LARP4B: variants seen among roughly 807,000 people sequenced by gnomAD.
LARP4B encodes la-related protein 4B.
In LARP4B, 12 loss-of-function variants were observed where a neutral mutation model predicts 89.8. That is an observed-to-expected ratio of 0.13 (90% CI 0.09 to 0.22). The LOEUF (loss-of-function observed/expected upper bound fraction) is 0.22. LARP4B is among the 10% of genes least tolerant of loss of function. The pLI is 1.00. For missense variants in LARP4B, 757 were observed against 947.7 expected, an observed-to-expected ratio of 0.80 and a Z score of 2.64; for synonymous variants, 367 against 363.3, an observed-to-expected ratio of 1.01 and a Z score of -0.12.
chr10:961,429 G>A, the LARP4B span, among the ~76,000 whole-genome samples: 2 of 150,104 alleles, frequency 1.3e-5, 1 homozygote, highest in South Asian at 4.2e-4. Flanking sequence ...GCCTCGGGAA[G>A]GTCCACTCAT....
chr10:869,633 T>C (rs1835092851), intron 3 of LARP4B, among the ~76,000 whole-genome samples: 1 of 152,148 alleles, frequency 6.6e-6, no homozygotes, highest in Non-Finnish European at 1.5e-5. Flanking sequence ...ATGCCTGCAA[T>C]GCCAGCACTT....
chr10:939,268 G>A, the LARP4B span, among the ~76,000 whole-genome samples: 1 of 152,232 alleles, frequency 6.6e-6, no homozygotes, highest in Non-Finnish European at 1.5e-5. Context: ...GGGAGGGGAT[G>A]GCACAGGAGG....
chr10:815,063 C>T lies in LARP4B; in HGVS notation c.1703G>A (p.Ser568Asn). Reference sequence around the variant, plus strand: ...AAGGGTGTTCACGCTTGCGTCTGCACTGAGGGTCTGAAACAGGGTCAAGAG... The same window carrying T: ...AAGGGTGTTCACGCTTGCGTCTGCATTGAGGGTCTGAAACAGGGTCAAGAG... ...IIGPSKERTLSADASVNTLPV... is the reference protein window; with the variant it reads ...IIGPSKERTLNADASVNTLPV... The change falls in exon 16 of 18, where the codon AGT becomes AAT. Residue 568 changes from serine (S) to asparagine (N), a missense_variant. Transcript: ENST00000316157. 1 of 1,575,362 alleles carries T rather than the reference C, an allele frequency of 6.3e-7. No homozygotes were observed. Among genetic ancestry groups the T allele is most frequent in the Non-Finnish European group, 8.6e-7 (1 of 1,158,840 alleles).
intron 1 of LARP4B, among the ~76,000 whole-genome samples, chr10:892,032 C>A (rs1836040239): frequency 6.6e-6 from 1 of 152,174 alleles, no homozygotes; most frequent in Non-Finnish European, 1.5e-5. Flanking sequence ...CCGGCATGGC[C>A]TAAAAGCAGA....
the LARP4B span, among the ~76,000 whole-genome samples, chr10:957,288 G>A: frequency 6.6e-5 from 10 of 152,010 alleles, no homozygotes; most frequent in Middle Eastern, 0.01. Context: ...TCAGCCTCCC[G>A]AGTAGCTGGG....
intron 1 of LARP4B, among the ~76,000 whole-genome samples, chr10:925,537 TATTTC>T (rs910376736): frequency 5.9e-5 from 9 of 152,334 alleles, no homozygotes; most frequent in African/African-American, 2.2e-4. Flanking sequence ...TATTTTATTT[TATTTC>T]ATTTTTTTTC....
At chr10:943,775 C>G in the LARP4B span, among the ~76,000 whole-genome samples, 1 of 151,062 alleles carries the variant, frequency 6.6e-6, no homozygotes, top group South Asian at 2.1e-4. Flanking sequence ...CAGGAGGGCC[C>G]GGGTCGGGAG....
the LARP4B span, among the ~76,000 whole-genome samples, chr10:968,586 CTGACTCCCACT>C: frequency 6.7e-6 from 1 of 148,230 alleles, no homozygotes; most frequent in South Asian, 2.1e-4. Context: ...AGGACGGAGA[CTGACTCCCACT>C]TGGCTGTTGT....
chr10:836,918 A>G (rs1050127228), intron 7 of LARP4B, among the ~76,000 whole-genome samples: 2 of 152,214 alleles, frequency 1.3e-5, no homozygotes, highest in Admixed American at 1.3e-4. Context: ...CTGCAGTAAT[A>G]GGCCTAATTT....
chr10:845,087 C>T (rs745308495), intron 5 of LARP4B, 32 bp from the exon 6 acceptor site: 2 of 1,548,432 alleles, frequency 1.3e-6, no homozygotes, highest in Non-Finnish European at 8.8e-7. Context: ...CTTAGGAAAA[C>T]CGGCTTAAAA....
the LARP4B span, among the ~76,000 whole-genome samples, chr10:970,127 ATG>A: frequency 6.6e-6 from 1 of 152,238 alleles, no homozygotes; most frequent in African/African-American, 2.4e-5. Context: ...AGGCTTAGAC[ATG>A]AATGGAAATT....
At chr10:916,774 A>G (rs1314579551) in intron 1 of LARP4B, among the ~76,000 whole-genome samples, 2 of 152,192 alleles carry the variant, frequency 1.3e-5, no homozygotes, top group African/African-American at 4.8e-5. Context: ...CTAACTCACT[A>G]CAACCTCAAA....
intron 1 of LARP4B, 49 bp from the exon 2 acceptor site, chr10:885,809 G>A: frequency 1.1e-6 from 1 of 880,772 alleles, no homozygotes; most frequent in Non-Finnish European, 1.8e-6. Context: ...GGCACAGTAT[G>A]ATTATTTAAA....
intron 1 of LARP4B, among the ~76,000 whole-genome samples, chr10:888,792 G>T (rs1407319426): frequency 6.6e-6 from 1 of 152,204 alleles, no homozygotes; most frequent in Non-Finnish European, 1.5e-5. Context: ...AGTGAAAACT[G>T]TAAGAATATT....
the LARP4B span, among the ~76,000 whole-genome samples, chr10:941,307 T>TTTTGTTTGTTTGTTTGTTTG: frequency 2.0e-5 from 3 of 151,616 alleles, no homozygotes; most frequent in Non-Finnish European, 4.4e-5. Flanking sequence ...GCTTACTTTG[T>TTTTGTTTGTTTGTTTGTTTG]TTTGTTTGTT....
chr10:907,179 C>T (rs1317130224), intron 1 of LARP4B, among the ~76,000 whole-genome samples: 1 of 152,220 alleles, frequency 6.6e-6, no homozygotes, highest in Non-Finnish European at 1.5e-5. Flanking sequence ...AGAAATATGT[C>T]TACCCTGTTC....
In LARP4B at chr10:829,805, A is replaced by C. The variant is rs1564389344; in HGVS notation, c.862-71T>G. On this transcript the variant is annotated intron_variant, in intron 9 of 17. Transcript: ENST00000316157. ...AATAAGAGGCACCAATAGTTCACTC[A>C]ATAGCTCAAATAGGGAAATATATAA... The C allele has an allele frequency of 1.9e-5, 18 of 951,770 alleles. No homozygotes were observed. In the South Asian group the frequency reaches 2.4e-4, roughly 13 times the overall value. The allele number at this position is 951,770 out of a possible 1,614,324, so 59.0% of individuals were successfully genotyped here.
chr10:918,851 T>A (rs1588990038), intron 1 of LARP4B, among the ~76,000 whole-genome samples: 1 of 151,838 alleles, frequency 6.6e-6, no homozygotes, highest in African/African-American at 2.4e-5. Flanking sequence ...CCGAGGTGGG[T>A]GGATCACGAG....
the LARP4B span, among the ~76,000 whole-genome samples, chr10:947,798 A>G: frequency 6.6e-6 from 1 of 151,594 alleles, no homozygotes; most frequent in Non-Finnish European, 1.5e-5. Flanking sequence ...ATGTTTTTGT[A>G]TTTTAGTAGA....
Sources: allele counts gnomAD v4.1 joint callset (sites outside exome capture counted in the v4.1 genomes callset), GRCh38; gene constraint gnomAD v4.1.1; transcripts MANE v1.5; gene names NCBI Gene and HGNC (gene_info 2026-07-23, HGNC 2026-07-21).